Variants in BCKDHB observed in about 807,000 individuals in gnomAD.
BCKDHB encodes 2-oxoisovalerate dehydrogenase subunit beta, mitochondrial.
A neutral mutation model predicts 48.5 loss-of-function variants in BCKDHB; 41 were observed. The observed-to-expected ratio is 0.85, with a 90% CI of 0.66 to 1.10. The LOEUF (loss-of-function observed/expected upper bound fraction) is 1.10, where lower values mean the gene tolerates loss of function less well. BCKDHB is among the 50% of genes least tolerant of loss of function. BCKDHB has a pLI of 0.00. For synonymous variants in BCKDHB, 201 were observed against 174.8 expected (o/e 1.15, Z -1.18); for missense variants, 496 against 494.2 (o/e 1.00, Z -0.03).
chr6:80,173,493 T>A (rs949382323), intron 6 of BCKDHB, among the ~76,000 whole-genome samples: 6 of 152,302 alleles, frequency 3.9e-5, no homozygotes, highest in African/African-American at 4.8e-5. Context: ...GCCAGCAGAA[T>A]AATCATCACT....
intron 8 of BCKDHB, among the ~76,000 whole-genome samples, chr6:80,210,911 A>G (rs1774903323): frequency 6.6e-6 from 1 of 152,190 alleles, no homozygotes; most frequent in Non-Finnish European, 1.5e-5. Flanking sequence ...AATGAGTTAA[A>G]AAGTGAGCTG....
chr6:80,219,935 G>A (rs923993029), intron 8 of BCKDHB, among the ~76,000 whole-genome samples: 3 of 151,946 alleles, frequency 2.0e-5, no homozygotes, highest in African/African-American at 2.4e-5. Context: ...TGTTTTTCTG[G>A]AAGCTTTTGT....
At chr6:80,195,766 T>C (rs756309312) in intron 6 of BCKDHB, among the ~76,000 whole-genome samples, 2 of 152,104 alleles carry the variant, frequency 1.3e-5, no homozygotes, top group Admixed American at 6.5e-5. Flanking sequence ...AAAGCCAGAA[T>C]TGGGTTTCTG....
chr6:80,220,304 G>GTTTTTTTTTTTTTTTTTTTTTCTTTTTT (rs56967096), intron 8 of BCKDHB, among the ~76,000 whole-genome samples: 2 of 60,860 alleles, frequency 3.3e-5, no homozygotes, highest in Non-Finnish European at 5.8e-5. Context: ...CATGCTATTT[G>GTTTTTTTTTTTTTTTTTTTTTCTTTTTT]TTTTTTTTTT....
intron 9 of BCKDHB, among the ~76,000 whole-genome samples, chr6:80,338,932 A>G (rs1005020933): frequency 2.0e-5 from 3 of 152,166 alleles, no homozygotes; most frequent in African/African-American, 7.2e-5. Flanking sequence ...GTTAAGTCAC[A>G]ATGGAACAAA....
At chr6:80,135,452 A>C (rs183825089) in intron 3 of BCKDHB, among the ~76,000 whole-genome samples, 166 of 152,280 alleles carry the variant, frequency 1.1e-3, no homozygotes, top group African/African-American at 3.7e-3. Context: ...ATTTGGAGTG[A>C]AAACAGGTAT....
the BCKDHB span, among the ~76,000 whole-genome samples, chr6:80,359,763 T>C: frequency 6.6e-6 from 1 of 151,958 alleles, no homozygotes; most frequent in East Asian, 1.9e-4. Context: ...CCTGGCTAAT[T>C]TTTGTATTTT....
chr6:80,141,133 G>A (rs9361587), intron 3 of BCKDHB, among the ~76,000 whole-genome samples: 55,808 of 151,960 alleles, frequency 0.37, 12,247 homozygotes, highest in Admixed American at 0.56. Flanking sequence ...TTGTATTTCT[G>A]TGGGATCGGT....
chr6:80,396,232 C>A, the BCKDHB span, among the ~76,000 whole-genome samples: 4 of 152,204 alleles, frequency 2.6e-5, no homozygotes, highest in Non-Finnish European at 5.9e-5. Flanking sequence ...GCCACAGACA[C>A]TCAATGCCAG....
intron 9 of BCKDHB, among the ~76,000 whole-genome samples, chr6:80,309,993 C>G (rs1768071336): frequency 6.6e-6 from 1 of 152,138 alleles, no homozygotes; most frequent in South Asian, 2.1e-4. Context: ...AGGCTAATGG[C>G]CTCCAGCTCC....
intron 8 of BCKDHB, among the ~76,000 whole-genome samples, chr6:80,206,939 A>G (rs75194011): frequency 6.6e-6 from 1 of 152,084 alleles, no homozygotes; most frequent in Non-Finnish European, 1.5e-5. Context: ...ACAATGGCAT[A>G]ACATCTTAAA....
At chr6:80,126,115 G>T (rs1037499971) in intron 1 of BCKDHB, among the ~76,000 whole-genome samples, 2 of 152,142 alleles carry the variant, frequency 1.3e-5, no homozygotes, top group African/African-American at 4.8e-5. Context: ...AATAATATTT[G>T]AGTAAATTCG....
intron 8 of BCKDHB, among the ~76,000 whole-genome samples, chr6:80,226,387 A>G (rs1276310370): frequency 6.6e-6 from 1 of 152,178 alleles, no homozygotes; most frequent in Non-Finnish European, 1.5e-5. Flanking sequence ...GCGCATTGAA[A>G]CTTCCATGAC....
intron 3 of BCKDHB, among the ~76,000 whole-genome samples, chr6:80,141,431 G>A (rs1011878041): frequency 2.6e-5 from 4 of 152,064 alleles, no homozygotes; most frequent in Admixed American, 6.6e-5. Context: ...AGTGCATTAG[G>A]TTGTTCTGGG....
At chr6:80,200,845 T>G in intron 6 of BCKDHB, 89 bp from the exon 7 acceptor site, 1 of 1,044,868 alleles carries the variant, frequency 9.6e-7, no homozygotes, top group East Asian at 2.4e-5. Flanking sequence ...AAAATAAAGC[T>G]TTGCTACAGT....
chr6:80,218,330 A>C (rs747945562), intron 8 of BCKDHB, among the ~76,000 whole-genome samples: 3 of 152,146 alleles, frequency 2.0e-5, no homozygotes, highest in Non-Finnish European at 4.4e-5. Flanking sequence ...GGAATTCATA[A>C]TTAGGAGAAC....
chr6:80,456,146 C>T, the BCKDHB span, among the ~76,000 whole-genome samples: 1 of 150,792 alleles, frequency 6.6e-6, no homozygotes, highest in African/African-American at 2.4e-5. Flanking sequence ...ACCCTGGAGG[C>T]GGAGGTTGCA....
In BCKDHB at chr6:80,219,216, C is replaced by CT. The variant is rs1452841437; in HGVS notation, c.951+16011dup. On this transcript the variant is annotated intron_variant, in intron 8 of 9. Coordinates refer to ENST00000320393, the MANE Select transcript of BCKDHB (RefSeq NM_183050.4). ...TGGAATTTACTCTTTTTTTTTTTTT[C>CT]TTTTTTTGGAGACAGGGTCTTGCTC... is the stretch of plus-strand genomic sequence containing the variant. Among the ~76,000 whole-genome samples, 4 of 110,712 alleles carry CT rather than the reference C, an allele frequency of 3.6e-5. No homozygotes were observed. In the East Asian group the frequency reaches 1.0e-3, roughly 29 times the overall value. The allele number at this position is 110,712 out of a possible 152,430, so 72.6% of individuals were successfully genotyped here.
intron 3 of BCKDHB, among the ~76,000 whole-genome samples, chr6:80,133,481 C>A (rs1770732346): frequency 6.6e-6 from 1 of 152,160 alleles, no homozygotes; most frequent in Non-Finnish European, 1.5e-5. Context: ...TCCTCATCAA[C>A]ATTGCATTCC....
Sources: gnomAD v4.1 joint callset for allele counts (sites outside exome capture counted in the v4.1 genomes callset) on GRCh38, gnomAD v4.1.1 for gene constraint, MANE v1.5 for transcripts, NCBI Gene and HGNC (gene_info 2026-07-23, HGNC 2026-07-21) for gene names.